TRIO: variants seen among roughly 807,000 people sequenced by gnomAD.
TRIO encodes triple functional domain protein.
TRIO carries 58 observed loss-of-function variants against 351.9 expected under a neutral mutation model. The observed-to-expected ratio is 0.16, with a 90% CI of 0.13 to 0.21. TRIO has a LOEUF of 0.21. Among genes scored for constraint, TRIO ranks in the 10% least tolerant of loss-of-function variants. The pLI is 1.00. For synonymous variants in TRIO, 1,758 were observed against 1,595.7 expected (o/e 1.10, Z -2.42); for missense variants, 3,201 against 4,027.8 (o/e 0.79, Z 5.56).
At position 14,358,303 on chromosome 5, in the gene TRIO, T is replaced by C. The variant is rs1216680139; in HGVS notation, c.2172T>C (p.Thr724=). The C allele has an allele frequency of 6.8e-6, 11 of 1,614,028 alleles. No individual in the cohort carries two copies. Among genetic ancestry groups the C allele is most frequent in the Middle Eastern group, 3.3e-4 (2 of 6,084 alleles). Residue 724 remains threonine, a synonymous_variant, in exon 12 of 57, where the codon ACT becomes ACC. Transcript: ENST00000344204. ...AGCAGCAGACCACCCTGCAGGTGAC[T>C]GTCAACGTGATCAAGGAAGGGGAGG... The part of the protein sequence containing the change: ...GQQQQTTLQV[T]VNVIKEGEDL...
chr5:14,471,488 TC>T (rs763258180), intron 38 of TRIO, 22 bp downstream of exon 38: 1 of 1,613,138 alleles, frequency 6.2e-7, no homozygotes, highest in Non-Finnish European at 8.5e-7. Flanking sequence ...ATGTTTTCAT[TC>T]TTATTGTTCT....
intron 48 of TRIO, 26 bp downstream of exon 48, chr5:14,488,286 C>G: frequency 1.3e-6 from 2 of 1,527,594 alleles, no homozygotes; most frequent in Non-Finnish European, 1.8e-6. Flanking sequence ...GGCCCGCGCC[C>G]TCCCGCCCCC....
chr5:14,476,791 CAAAAAAAA>C (rs532716092), intron 40 of TRIO, 95 bp from the exon 41 acceptor site: 12 of 834,966 alleles, frequency 1.4e-5, no homozygotes, highest in East Asian at 3.4e-5. Context: ...GACACTCTCT[CAAAAAAAA>C]AAAAGAAAAA....
At chr5:14,475,501 T>G (rs1015581675) in intron 40 of TRIO, among the ~76,000 whole-genome samples, 30 of 152,366 alleles carry the variant, frequency 2.0e-4, no homozygotes, top group African/African-American at 7.0e-4. Flanking sequence ...AGTAGTGTTG[T>G]TATTTCTGTG....
At chr5:14,370,035 A>T (rs1250957769) in intron 18 of TRIO, among the ~76,000 whole-genome samples, 1 of 152,192 alleles carries the variant, frequency 6.6e-6, no homozygotes, top group Admixed American at 6.5e-5. Context: ...AATGTGTCAC[A>T]TGCAGACCAG....
At chr5:14,448,863 T>G (rs1354564190) in intron 34 of TRIO, among the ~76,000 whole-genome samples, 1 of 152,188 alleles carries the variant, frequency 6.6e-6, no homozygotes, top group African/African-American at 2.4e-5. Flanking sequence ...GGTAAGATAG[T>G]TCCTTGGGGA....
In TRIO at chr5:14,476,806, AAAAAAG is replaced by A. The variant is rs140018798; in HGVS notation, c.6084-76_6084-71del. 117,148 of 1,225,114 alleles carry A rather than the reference AAAAAAG, an allele frequency of 0.096. 6,283 individuals are homozygous for A. The highest frequency in any genetic ancestry group is 0.19 in the Admixed American group (7,313 of 39,210). 75.9% of individuals were successfully genotyped at this position (1,225,114 alleles called of 1,614,324 possible). A position where few individuals can be genotyped will look rare whatever the true frequency, so the allele number is the denominator to read the frequency against. On this transcript the variant is annotated intron_variant, in intron 40 of 56. Transcript: ENST00000344204. ...GACACTCTCTCAAAAAAAAAAAAGA[AAAAAAG>A]AAAAAGAAAAAATGTAAACCTAAAT...
intron 34 of TRIO, among the ~76,000 whole-genome samples, chr5:14,432,839 C>G (rs1751283570): frequency 6.6e-6 from 1 of 152,184 alleles, no homozygotes; most frequent in Non-Finnish European, 1.5e-5. Flanking sequence ...TTCTCCTTTG[C>G]TCTTCCTTAA....
rs374009458 is a variant in TRIO at position 14,351,817 on chromosome 5, G to A, written c.2047-6361G>A. Among the ~76,000 whole-genome samples the A allele has an allele frequency of 1.2e-4, 18 of 152,192 alleles. 1 individual carries two copies. The highest frequency in any genetic ancestry group is 5.9e-4 in the Admixed American group (9 of 15,280). Reference sequence around the variant, plus strand: ...GCATCAGCTTGTACCCCACTGGGGAGCACAGAGAGGTTGCAGCTGGAACAA... The same window carrying A: ...GCATCAGCTTGTACCCCACTGGGGAACACAGAGAGGTTGCAGCTGGAACAA... On this transcript the variant is annotated intron_variant, in intron 11 of 56. Transcript: ENST00000344204.
At position 14,406,579 on chromosome 5, in the gene TRIO, A is replaced by T; in HGVS notation, c.4866A>T (p.Gly1622=). 1 of 1,614,020 alleles carries T rather than the reference A, an allele frequency of 6.2e-7. No individual in the cohort carries two copies. The highest frequency in any genetic ancestry group is 8.5e-7 in the Non-Finnish European group (1 of 1,179,952). ...PATRQKGRRD[G]EDLDSQGDGS... is the part of the protein sequence containing the mutation. The stretch of plus-strand genomic sequence containing the variant: ...AGTTTCTTTGCACCGCCAGGGATGG[A>T]GAGGATCTGGACAGCCAAGGAGACG... The change falls in exon 33 of 57, where the codon GGA becomes GGT. Residue 1622 remains glycine, a synonymous_variant. Transcript: ENST00000344204.
chr5:14,359,160 A>G (rs1355316628), intron 12 of TRIO, among the ~76,000 whole-genome samples, 197 bp from the exon 13 acceptor site: 3 of 152,242 alleles, frequency 2.0e-5, no homozygotes, highest in Admixed American at 6.5e-5. Context: ...TCTTCAATGT[A>G]TCCTCAGATT....
intron 7 of TRIO, among the ~76,000 whole-genome samples, chr5:14,298,471 A>G (rs1358683030): frequency 1.3e-5 from 2 of 152,158 alleles, no homozygotes; most frequent in Non-Finnish European, 2.9e-5. Context: ...CCTCAGGGTT[A>G]ATTTTTGGGG....
intron 34 of TRIO, chr5:14,441,385 C>T (rs558729790): frequency 2.2e-4 from 34 of 154,774 alleles, no homozygotes; most frequent in African/African-American, 6.2e-4. Context: ...TGCAGATGCT[C>T]GGGCTGGCGC....
chr5:14,382,625 A>C (rs1323512168), intron 21 of TRIO, among the ~76,000 whole-genome samples: 1 of 152,230 alleles, frequency 6.6e-6, no homozygotes, highest in African/African-American at 2.4e-5. Flanking sequence ...CCTCCCCTGC[A>C]GGGAGGGATC....
chr5:14,227,747 GACTCTTA>G lies in TRIO; in HGVS notation c.158-43070_158-43064del, dbSNP rs1410654171. Among the ~76,000 whole-genome samples the G allele has an allele frequency of 3.3e-5, 5 of 152,288 alleles. No homozygotes were observed. The South Asian group carries it at 8.3e-4, about 25-fold the overall frequency. On this transcript the variant is annotated intron_variant, in intron 1 of 56. Coordinates refer to ENST00000344204, the MANE Select transcript of TRIO (RefSeq NM_007118.4). ...GGGAGGGTTTAAGTAATCTGATACG[GACTCTTA>G]ACTCTTAGGTTGTTTACTAATTTAG...
intron 1 of TRIO, among the ~76,000 whole-genome samples, chr5:14,241,701 C>T (rs906710658): frequency 6.6e-6 from 1 of 152,108 alleles, no homozygotes; most frequent in Non-Finnish European, 1.5e-5. Flanking sequence ...AAAACAGTAG[C>T]AATTCAAACA....
Position 14,395,094 on chromosome 5 carries a change from T to C in TRIO, c.4311+964T>C, listed in dbSNP as rs187598461. ...CTAGATATAAAAGAAATTTAGAAGATGGAGTTACAAATGCTGGAACTCTTC... is the reference window on the plus strand; with the variant it reads ...CTAGATATAAAAGAAATTTAGAAGACGGAGTTACAAATGCTGGAACTCTTC... On this transcript the variant is annotated intron_variant, in intron 28 of 56. Coordinates refer to ENST00000344204, the MANE Select transcript of TRIO (RefSeq NM_007118.4). Among the ~76,000 whole-genome samples, 3 of 152,354 alleles carry C rather than the reference T, an allele frequency of 2.0e-5. No homozygotes were observed. The East Asian group carries it at 5.8e-4, about 29-fold the overall frequency.
rs1476490075 is a variant in TRIO at position 14,358,220 on chromosome 5, G to A, written c.2089G>A (p.Asp697Asn). ...GGAGCTGCAGAAGGAGCTGCTGGAC[G>A]ACGTGTATGCCGAGTCGGTGGAGGC... The part of the protein sequence containing the change: ...LEELQKELLD[D>N]VYAESVEAVQ... Residue 697 changes from aspartate to asparagine, a missense_variant, in exon 12 of 57, where the codon GAC becomes AAC. This residue lies in a region of TRIO where 363 missense variants were observed against 553.5 expected (regional missense o/e 0.66). Coordinates refer to ENST00000344204, the MANE Select transcript of TRIO (RefSeq NM_007118.4). 6.2e-7 allele frequency: 1 copy of A among 1,613,988 alleles called. No homozygotes were observed. The highest frequency in any genetic ancestry group is 8.5e-7 in the Non-Finnish European group (1 of 1,179,846).
At chr5:14,424,504 A>C (rs1030761942) in intron 34 of TRIO, among the ~76,000 whole-genome samples, 1 of 152,222 alleles carries the variant, frequency 6.6e-6, no homozygotes, top group Non-Finnish European at 1.5e-5. Flanking sequence ...GAAAAAAAAC[A>C]TGAGAAATAA....
Sources: gnomAD v4.1 joint callset for allele counts (sites outside exome capture counted in the v4.1 genomes callset) on GRCh38, gnomAD v4.1.1 for gene constraint, gnomAD v4.1.1 regional missense constraint, MANE v1.5 for transcripts, NCBI Gene and HGNC (gene_info 2026-07-23, HGNC 2026-07-21) for gene names.